The following EPB41 variants were observed in gnomAD, a reference collection of about 807,000 sequenced individuals.
EPB41 encodes the protein erythrocyte membrane protein band 4.1.
Under a neutral mutation model 108.0 loss-of-function variants are expected in EPB41, and 65 were observed. That is an observed-to-expected ratio of 0.60 (90% CI 0.49 to 0.74). The LOEUF (loss-of-function observed/expected upper bound fraction) is 0.74, where lower values mean the gene tolerates loss of function less well. Ranked by LOEUF, EPB41 falls within the 30% of genes least tolerant of loss-of-function variation. The probability of loss-of-function intolerance (pLI) is 0.00; values close to 1 mark genes in which losing one functional copy is unlikely to be tolerated. For synonymous variants in EPB41, 336 were observed against 358.9 expected, an observed-to-expected ratio of 0.94 and a Z score of 0.72; for missense variants, 875 against 1,037.0, an observed-to-expected ratio of 0.84 and a Z score of 2.15.
At chr1:29,056,244 A>C (rs532079216) in intron 12 of EPB41, among the ~76,000 whole-genome samples, 31 of 151,820 alleles carry the variant, frequency 2.0e-4, no homozygotes, top group East Asian at 1.7e-3. Context: ...AAAAAAAAAA[A>C]AAACAAAAAA....
chr1:28,974,372 C>T (rs1344071302), intron 1 of EPB41, among the ~76,000 whole-genome samples: 1 of 152,120 alleles, frequency 6.6e-6, no homozygotes, highest in Admixed American at 6.6e-5. Context: ...TCTGTTGGGG[C>T]ATGTTCTGTC....
intron 1 of EPB41, among the ~76,000 whole-genome samples, chr1:28,986,496 C>T (rs1002393346): frequency 6.6e-6 from 1 of 152,176 alleles, no homozygotes; most frequent in South Asian, 2.1e-4. Flanking sequence ...TCCTCCCCTA[C>T]GAGTGAATCA....
intron 1 of EPB41, among the ~76,000 whole-genome samples, chr1:28,923,665 A>G (rs2093274965): frequency 6.6e-6 from 1 of 152,102 alleles, no homozygotes; most frequent in Non-Finnish European, 1.5e-5. Context: ...CCATTAATGG[A>G]CACTGGTTAA....
chr1:29,093,405 C>T (rs1046372713), intron 16 of EPB41, among the ~76,000 whole-genome samples: 4 of 151,852 alleles, frequency 2.6e-5, no homozygotes, highest in African/African-American at 7.3e-5. Flanking sequence ...TTGTTTCTTT[C>T]TTGTAAATTT....
rs865905683 is a variant in EPB41, at chr1:29,033,843, T to A, written c.1365+598T>A. On this transcript the variant is annotated intron_variant, in intron 9 of 20. Coordinates refer to ENST00000343067, the MANE Select transcript of EPB41 (RefSeq NM_001376013.1). ...TGTTTAAGTAGGAATTAAAGTTTTTTAAAAAGTTCTGACTTCTTTTCTGCC... is the reference window on the plus strand; with the variant it reads ...TGTTTAAGTAGGAATTAAAGTTTTTAAAAAAGTTCTGACTTCTTTTCTGCC... Among the ~76,000 whole-genome samples, 23 of 152,322 alleles carry A rather than the reference T, an allele frequency of 1.5e-4. No individual in the cohort carries two copies. The East Asian group carries it at 1.5e-3, about 10-fold the overall frequency.
chr1:28,978,562 T>G (rs1368759192), intron 1 of EPB41, among the ~76,000 whole-genome samples: 1 of 151,518 alleles, frequency 6.6e-6, no homozygotes, highest in Non-Finnish European at 1.5e-5. Context: ...TCAGTTTGAC[T>G]GGATTAAGGA....
At chr1:29,056,233 C>CA (rs1388048465) in intron 12 of EPB41, among the ~76,000 whole-genome samples, 3,819 of 55,594 alleles carry the variant, frequency 0.069, 125 homozygotes, top group African/African-American at 0.17. Context: ...GACTCCGTCT[C>CA]AAAAAAAAAA....
chr1:29,030,320 A>C (rs1160965444), intron 7 of EPB41, 80 bp from the exon 8 acceptor site: 5 of 1,114,552 alleles, frequency 4.5e-6, no homozygotes, highest in South Asian at 2.5e-5. Flanking sequence ...ATGTGTTTAA[A>C]ATACAGTGAA....
At position 28,887,911 on chromosome 1, in the gene EPB41, A is replaced by C. The variant is rs532993243; in HGVS notation, c.-8+701A>C. Among the ~76,000 whole-genome samples, 5 of 152,136 alleles carry C rather than the reference A, an allele frequency of 3.3e-5. No homozygotes were observed. Among genetic ancestry groups the C allele is most frequent in the African/African-American group, 9.6e-5 (4 of 41,506 alleles). ...CATCTCTGGGTTCCCTGTATCTCTCATCTGTCGTCTCTGTTTTGCTGTCTT... is the reference window on the plus strand; with the variant it reads ...CATCTCTGGGTTCCCTGTATCTCTCCTCTGTCGTCTCTGTTTTGCTGTCTT... On this transcript the variant is annotated intron_variant, in intron 1 of 16. Transcript: ENST00000347529. The surrounding 1 kb of genome is among the most constrained non-coding windows in gnomAD (Gnocchi z 4.9).
chr1:29,087,819 T>C (rs1299007836), intron 16 of EPB41, among the ~76,000 whole-genome samples: 1 of 152,140 alleles, frequency 6.6e-6, no homozygotes, highest in Non-Finnish European at 1.5e-5. Flanking sequence ...AAAAATCTTG[T>C]TTTCTTCCCC....
rs530646597 is a variant in EPB41, at chr1:28,921,488, C to T, written c.-8+6720C>T. On this transcript the variant is annotated intron_variant, in intron 1 of 20. Coordinates refer to ENST00000343067, the MANE Select transcript of EPB41 (RefSeq NM_001376013.1). ...CTCAGGAGTGCCAAGGATTTAAGCCCTCAAATTTTACCTGCCTACCATTTC... is the reference window on the plus strand; with the variant it reads ...CTCAGGAGTGCCAAGGATTTAAGCCTTCAAATTTTACCTGCCTACCATTTC... Among the ~76,000 whole-genome samples, 103 of 152,152 alleles carry T rather than the reference C, an allele frequency of 6.8e-4. 2 individuals are homozygous for T. Among genetic ancestry groups the T allele is most frequent in the Non-Finnish European group, 1.1e-3 (74 of 68,008 alleles).
chr1:29,109,286 T>C, intron 17 of EPB41, 50 bp from the exon 18 acceptor site: 1 of 1,403,304 alleles, frequency 7.1e-7, no homozygotes, highest in Non-Finnish European at 1.0e-6. Context: ...CTGCAACATT[T>C]GCCCAGTCTT....
At chr1:29,059,953 G>C (rs1646222596) in intron 14 of EPB41, among the ~76,000 whole-genome samples, 1 of 152,092 alleles carries the variant, frequency 6.6e-6, no homozygotes, top group Non-Finnish European at 1.5e-5. Flanking sequence ...TTATAAAAGA[G>C]ATCTAATCTT....
chr1:28,957,694 C>T (rs991386112), intron 1 of EPB41, among the ~76,000 whole-genome samples: 35 of 152,158 alleles, frequency 2.3e-4, no homozygotes, highest in African/African-American at 8.4e-4. Flanking sequence ...TGTGAGCCAC[C>T]ATGCCCCTCC....
At chr1:28,946,263 T>C (rs2094485494) in intron 1 of EPB41, among the ~76,000 whole-genome samples, 1 of 152,084 alleles carries the variant, frequency 6.6e-6, no homozygotes. Context: ...TGGCGCAATT[T>C]CGGCTCACTG....
At chr1:28,989,512 AT>A (rs2095956185) in intron 2 of EPB41, 1 of 383,512 alleles carries the variant, frequency 2.6e-6, no homozygotes, top group African/African-American at 2.2e-5. Context: ...TAGGTCTGAG[AT>A]TTGGACTCCA....
At chr1:29,061,572 GT>G (rs34413393) in intron 15 of EPB41, among the ~76,000 whole-genome samples, 356 of 64,040 alleles carry the variant, frequency 5.6e-3, no homozygotes, top group African/African-American at 0.019. Context: ...CCTGGCCTTT[GT>G]TTTTTTTTTT....
Position 29,058,618 on chromosome 1 carries a change from A to G in EPB41, c.1875A>G (p.Val625=). The part of the protein sequence containing the change: ...KVEKTHIEVT[V]PTSNGDQTQK... ...AAAAAACCCACATCGAGGTGACAGT[A>G]CCCACCTCAAATGGTGACCAAACAC... The change falls in exon 13 of 21, where the codon GTA becomes GTG. Residue 625 remains valine (V), a synonymous_variant. Transcript: ENST00000343067. 1 of 1,613,830 alleles carries G rather than the reference A, an allele frequency of 6.2e-7. No homozygotes were observed. Among genetic ancestry groups the G allele is most frequent in the Admixed American group, 1.7e-5 (1 of 59,992 alleles).
At chr1:28,957,583 T>C (rs2095011198) in intron 1 of EPB41, among the ~76,000 whole-genome samples, 1 of 152,170 alleles carries the variant, frequency 6.6e-6, no homozygotes, top group African/African-American at 2.4e-5. Flanking sequence ...TTTTATATTT[T>C]TAGTAGAGAC....
Sources: allele counts gnomAD v4.1 joint callset (sites outside exome capture counted in the v4.1 genomes callset), GRCh38; gene constraint gnomAD v4.1.1; non-coding constraint Gnocchi (gnomAD v3.1); transcripts MANE v1.5; gene names NCBI Gene and HGNC (gene_info 2026-07-23, HGNC 2026-07-21).